The following BTBD10 variants were observed in gnomAD, a reference collection of about 807,000 sequenced individuals.
BTBD10 encodes BTB domain containing 10.
Under a neutral mutation model 53.2 loss-of-function variants are expected in BTBD10, and 21 were observed. The observed-to-expected ratio is 0.39, with a 90% CI of 0.28 to 0.57. The LOEUF (loss-of-function observed/expected upper bound fraction) is 0.57. Among genes scored for constraint, BTBD10 ranks in the 20% least tolerant of loss-of-function variants. BTBD10 has a pLI of 0.53. For missense variants in BTBD10, 360 were observed against 594.7 expected (o/e 0.61, Z 4.10); for synonymous variants, 149 against 192.7 (o/e 0.77, Z 1.88).
At chr11:13,459,134 G>T (rs1475078694) in intron 1 of BTBD10, among the ~76,000 whole-genome samples, 4 of 147,980 alleles carry the variant, frequency 2.7e-5, no homozygotes, top group Non-Finnish European at 6.0e-5. Flanking sequence ...TCGGCTCACT[G>T]CAAGCTCCGC....
intron 6 of BTBD10, among the ~76,000 whole-genome samples, chr11:13,406,739 C>T (rs1949841508): frequency 6.6e-6 from 1 of 151,486 alleles, no homozygotes; most frequent in Non-Finnish European, 1.5e-5. Context: ...GCTTTTCCTC[C>T]CTACAAGATG....
At chr11:13,409,045 A>G (rs1009578877) in intron 6 of BTBD10, among the ~76,000 whole-genome samples, 8 of 152,054 alleles carry the variant, frequency 5.3e-5, no homozygotes, top group African/African-American at 1.9e-4. Context: ...ATATCTTCCA[A>G]TCTCACTCAG....
intron 7 of BTBD10, 70 bp downstream of exon 7, chr11:13,405,589 G>A (rs1407202294): frequency 2.6e-6 from 4 of 1,547,510 alleles, no homozygotes; most frequent in East Asian, 4.5e-5. Context: ...TATGAGAAGA[G>A]CTCTTCTTTA....
chr11:13,462,431 A>C (rs1227055806), intron 1 of BTBD10, among the ~76,000 whole-genome samples: 1 of 152,200 alleles, frequency 6.6e-6, no homozygotes, highest in African/African-American at 2.4e-5. Flanking sequence ...GACTCAGAAT[A>C]CTGAGAAAGG....
At chr11:13,448,035 C>T (rs937966447) in intron 1 of BTBD10, among the ~76,000 whole-genome samples, 12 of 152,136 alleles carry the variant, frequency 7.9e-5, no homozygotes, top group African/African-American at 2.9e-4. Flanking sequence ...CTGATAATCT[C>T]TTCAGTTTTA....
At chr11:13,435,944 CTGA>C (rs1322529264) in intron 2 of BTBD10, among the ~76,000 whole-genome samples, 1 of 152,182 alleles carries the variant, frequency 6.6e-6, no homozygotes, top group Non-Finnish European at 1.5e-5. Flanking sequence ...TGTAATTAGA[CTGA>C]TGAAATTAAA....
Position 13,460,782 on chromosome 11 carries a change from G to A in BTBD10, c.-58+2310C>T, listed in dbSNP as rs999369003. Among the ~76,000 whole-genome samples, 3 of 152,200 alleles carry A rather than the reference G, an allele frequency of 2.0e-5. No individual in the cohort carries two copies. In the Middle Eastern group the frequency reaches 9.5e-3, roughly 482 times the overall value. ...CTTCCAGTAAGTCAATGCCTAGGAA[G>A]ACAATGTGGGATAGCACAGCAAACA... On this transcript the variant is annotated intron_variant, in intron 1 of 8. Transcript: ENST00000278174.
intron 8 of BTBD10, among the ~76,000 whole-genome samples, chr11:13,399,663 C>T (rs1023797264): frequency 3.3e-5 from 5 of 152,008 alleles, no homozygotes; most frequent in African/African-American, 4.8e-5. Context: ...CTGTTTTTTC[C>T]CCATCTTTGT....
chr11:13,440,836 C>A (rs1950635812), intron 2 of BTBD10, among the ~76,000 whole-genome samples: 1 of 152,182 alleles, frequency 6.6e-6, no homozygotes, highest in Non-Finnish European at 1.5e-5. Context: ...TTTAGTGTAT[C>A]ATCTATCTAG....
At chr11:13,429,056 A>C (rs1461974144) in intron 2 of BTBD10, among the ~76,000 whole-genome samples, 1 of 152,202 alleles carries the variant, frequency 6.6e-6, no homozygotes, top group African/African-American at 2.4e-5. Context: ...AATATGACAA[A>C]AGATGTGAAA....
chr11:13,417,295 G>T, intron 4 of BTBD10, 35 bp from the exon 5 acceptor site: 1 of 1,425,202 alleles, frequency 7.0e-7, no homozygotes, highest in Non-Finnish European at 9.7e-7. Context: ...TACGTCAATA[G>T]AATACTTCCT....
intron 1 of BTBD10, among the ~76,000 whole-genome samples, chr11:13,452,328 G>A (rs1455460481): frequency 6.6e-6 from 1 of 152,150 alleles, no homozygotes; most frequent in Non-Finnish European, 1.5e-5. Context: ...CACAGGGACA[G>A]CACAAAGTAA....
intron 3 of BTBD10, among the ~76,000 whole-genome samples, chr11:13,420,975 T>C (rs1950231149): frequency 6.6e-6 from 1 of 152,164 alleles, no homozygotes; most frequent in South Asian, 2.1e-4. Context: ...GATTCTTATT[T>C]ACAACAGATT....
intron 1 of BTBD10, among the ~76,000 whole-genome samples, chr11:13,457,855 G>C (rs895593002): frequency 1.3e-5 from 2 of 152,116 alleles, no homozygotes; most frequent in African/African-American, 4.8e-5. Flanking sequence ...TGAGTCATGG[G>C]ATTATGGTAC....
chr11:13,437,126 C>T (rs1432111392), intron 2 of BTBD10, among the ~76,000 whole-genome samples: 1 of 152,218 alleles, frequency 6.6e-6, no homozygotes, highest in East Asian at 1.9e-4. Context: ...TGGCAACATA[C>T]CCAACTTTTT....
chr11:13,432,324 A>C (rs1416945112), intron 2 of BTBD10, among the ~76,000 whole-genome samples: 1 of 152,046 alleles, frequency 6.6e-6, no homozygotes, highest in Non-Finnish European at 1.5e-5. Context: ...ATAAAATATC[A>C]CAGAACCATG....
chr11:13,427,367 C>T (rs1226921736), intron 2 of BTBD10, among the ~76,000 whole-genome samples: 1 of 152,094 alleles, frequency 6.6e-6, no homozygotes, highest in East Asian at 1.9e-4. Flanking sequence ...AAGCAGAGTT[C>T]AGAACAAAGA....
chr11:13,429,563 G>C (rs1950409276), intron 2 of BTBD10, among the ~76,000 whole-genome samples: 1 of 151,690 alleles, frequency 6.6e-6, no homozygotes, highest in African/African-American at 2.4e-5. Flanking sequence ...TTCATCAAAT[G>C]GTGCTGGAAC....
In BTBD10 at chr11:13,429,945, A is replaced by T. The variant is rs184450210; in HGVS notation, c.102-8107T>A. ...ATAGTGAGACCATTTCTACAAAAAA[A>T]TTTTTTAAAAATTAGCCAGGAGTGG... On this transcript the variant is annotated intron_variant, in intron 2 of 8. Coordinates refer to ENST00000278174, the MANE Select transcript of BTBD10 (RefSeq NM_032320.7). Among the ~76,000 whole-genome samples, 737 of 151,910 alleles carry T rather than the reference A, an allele frequency of 4.9e-3. 6 individuals are homozygous for T. The highest frequency in any genetic ancestry group is 0.017 in the African/African-American group (710 of 41,436).
Sources: gnomAD v4.1 joint callset for allele counts (sites outside exome capture counted in the v4.1 genomes callset) on GRCh38, gnomAD v4.1.1 for gene constraint, MANE v1.5 for transcripts, NCBI Gene and HGNC (gene_info 2026-07-23, HGNC 2026-07-21) for gene names.